The following COL22A1 variants were observed in gnomAD, a reference collection of about 807,000 sequenced individuals.
COL22A1 encodes collagen type XXII alpha 1 chain, also known as collagen alpha-1(XXII) chain.
Under a neutral mutation model 248.9 loss-of-function variants are expected in COL22A1, and 221 were observed. That is an observed-to-expected ratio of 0.89 (90% confidence interval 0.80 to 0.99). COL22A1 has a LOEUF of 0.99. Ranked by LOEUF, COL22A1 falls within the 50% of genes least tolerant of loss-of-function variation. COL22A1 has a pLI of 0.00. For synonymous variants in COL22A1, 891 were observed against 793.4 expected (o/e 1.12, Z -2.07); for missense variants, 2,240 against 2,179.0 (o/e 1.03, Z -0.56).
chr8:138,906,638 A>G (rs1251861445), intron 1 of COL22A1, among the ~76,000 whole-genome samples: 4 of 151,664 alleles, frequency 2.6e-5, no homozygotes, highest in Non-Finnish European at 5.9e-5. Flanking sequence ...GTGGATTGAC[A>G]TAAGACTGAC....
chr8:138,696,609 C>T (rs751468193), intron 32 of COL22A1, among the ~76,000 whole-genome samples: 21 of 151,498 alleles, frequency 1.4e-4, no homozygotes, highest in Non-Finnish European at 2.2e-4. Flanking sequence ...CTCTCTGATA[C>T]GGCAGTTGGA....
intron 23 of COL22A1, among the ~76,000 whole-genome samples, chr8:138,727,270 T>TCCCACACCTC (rs1289653052): frequency 2.6e-5 from 4 of 151,718 alleles, no homozygotes; most frequent in Non-Finnish European, 5.9e-5. Flanking sequence ...CCTCCCCTCC[T>TCCCACACCTC]CCCACACCTC....
intron 11 of COL22A1, among the ~76,000 whole-genome samples, chr8:138,797,599 C>A (rs939427164): frequency 6.6e-6 from 1 of 152,026 alleles, no homozygotes; most frequent in African/African-American, 2.4e-5. Flanking sequence ...GGGGTATATT[C>A]CTAAAAGTAG....
chr8:138,688,515 T>C, intron 37 of COL22A1, among the ~76,000 whole-genome samples: 1 of 151,192 alleles, frequency 6.6e-6, no homozygotes, highest in African/African-American at 2.4e-5. Flanking sequence ...AGTGAGACCC[T>C]GTCTCAAGAA....
At chr8:138,643,609 T>TATATATAG (rs374485708) in intron 47 of COL22A1, among the ~76,000 whole-genome samples, 2 of 146,528 alleles carry the variant, frequency 1.4e-5, no homozygotes, top group African/African-American at 5.1e-5. Flanking sequence ...CCCTATGCAA[T>TATATATAG]ATAGATAGAT....
intron 16 of COL22A1, among the ~76,000 whole-genome samples, chr8:138,768,627 T>A (rs1480459706): frequency 6.6e-6 from 1 of 152,166 alleles, no homozygotes. Context: ...ACTTAACAGA[T>A]CACCACCCAC....
intron 52 of COL22A1, among the ~76,000 whole-genome samples, chr8:138,620,971 A>G (rs1189208059): frequency 3.6e-5 from 4 of 109,870 alleles, no homozygotes; most frequent in African/African-American, 5.7e-5. Flanking sequence ...CCATCCATCC[A>G]TCCATCCATC....
chr8:138,690,737 T>A, intron 36 of COL22A1, 84 bp downstream of exon 36: 1 of 1,084,738 alleles, frequency 9.2e-7, no homozygotes, highest in Admixed American at 2.5e-5. Context: ...TACTCCCATG[T>A]ATCCTACGCC....
chr8:138,851,892 G>A (rs1282257109), intron 3 of COL22A1, among the ~76,000 whole-genome samples: 1 of 152,122 alleles, frequency 6.6e-6, no homozygotes. Flanking sequence ...ATAAGGCACT[G>A]GGGTCTCCAA....
intron 30 of COL22A1, among the ~76,000 whole-genome samples, chr8:138,703,977 A>G (rs192095189): frequency 7.2e-5 from 11 of 152,330 alleles, no homozygotes; most frequent in South Asian, 2.1e-4. Flanking sequence ...AGAAGAATAT[A>G]TCCCGCACCT....
At chr8:138,721,950 G>C (rs1829897017) in intron 26 of COL22A1, 86 bp downstream of exon 26, 1 of 1,076,306 alleles carries the variant, frequency 9.3e-7, no homozygotes. Context: ...CAATTGACTT[G>C]TTGTAGAATT....
At chr8:138,684,752 A>G (rs1471924419) in intron 38 of COL22A1, among the ~76,000 whole-genome samples, 1 of 152,154 alleles carries the variant, frequency 6.6e-6, no homozygotes, top group Non-Finnish European at 1.5e-5. Context: ...AGACTTGCGC[A>G]AGTAAGGGGC....
At chr8:138,775,175 T>C (rs1814307991) in intron 16 of COL22A1, among the ~76,000 whole-genome samples, 1 of 152,114 alleles carries the variant, frequency 6.6e-6, no homozygotes, top group Non-Finnish European at 1.5e-5. Flanking sequence ...TAGCCCCAGC[T>C]CTTGGGACAC....
At chr8:138,643,746 C>G (rs1379558391) in intron 47 of COL22A1, among the ~76,000 whole-genome samples, 2 of 152,072 alleles carry the variant, frequency 1.3e-5, no homozygotes, top group Non-Finnish European at 2.9e-5. Context: ...GTCACCCAGG[C>G]TGGAGTGCAG....
rs748451665 is a variant in COL22A1, at chr8:138,594,162, C to T, written c.4470G>A (p.Ala1490=). The change falls in exon 63 of 65, where the codon GCG becomes GCA. Residue 1490 remains alanine (A), a synonymous_variant. Coordinates refer to ENST00000303045, the MANE Select transcript of COL22A1 (RefSeq NM_152888.3). ...LAYLLAQMPP[A]YMKSSQGRPG... is the part of the protein sequence containing the mutation. ...GTCTGCCTTGAGATGACTTCATGTA[C>T]GCCGGGGGCATCTGGGCCAGGAGGT... The T allele has an allele frequency of 1.4e-5, 22 of 1,572,570 alleles. No individual in the cohort carries two copies. Among genetic ancestry groups the T allele is most frequent in the East Asian group, 9.5e-5 (4 of 41,944 alleles).
At chr8:138,887,850 A>G (rs1040540951) in intron 1 of COL22A1, among the ~76,000 whole-genome samples, 2 of 152,184 alleles carry the variant, frequency 1.3e-5, no homozygotes, top group African/African-American at 4.8e-5. Context: ...TGCCTCCAGC[A>G]GTGTGGGAGT....
At chr8:138,597,449 C>A (rs1817633772) in intron 61 of COL22A1, among the ~76,000 whole-genome samples, 1 of 152,154 alleles carries the variant, frequency 6.6e-6, no homozygotes, top group Admixed American at 6.5e-5. Flanking sequence ...TCTGGTTTTC[C>A]CTGCTTAGGT....
At position 138,877,908 on chromosome 8, in the gene COL22A1, C is replaced by A. The variant is rs755559463; in HGVS notation, c.500G>T (p.Arg167Leu). The part of the protein sequence containing the change: ...LVLDAAAAAH[R>L]AGIRIFAVGV... ...CACGGCAAAGATGCGGATGCCAGCG[C>A]GGTGGGCTGCCGCCGCGGCGTCCAG... Residue 167 changes from arginine to leucine, a missense_variant, in exon 3 of 65, where the codon CGC becomes CTC. Coordinates refer to ENST00000303045, the MANE Select transcript of COL22A1 (RefSeq NM_152888.3). The A allele has an allele frequency of 8.1e-6, 13 of 1,609,850 alleles. No individual in the cohort carries two copies. Among genetic ancestry groups the A allele is most frequent in the Non-Finnish European group, 5.1e-6 (6 of 1,178,366 alleles).
At chr8:138,875,519 G>A (rs1002942372) in intron 3 of COL22A1, among the ~76,000 whole-genome samples, 1 of 152,188 alleles carries the variant, frequency 6.6e-6, no homozygotes, top group Non-Finnish European at 1.5e-5. Context: ...CTGGATTCTG[G>A]AATGACAGGT....
Sources: allele counts gnomAD v4.1 joint callset (sites outside exome capture counted in the v4.1 genomes callset), GRCh38; gene constraint gnomAD v4.1.1; transcripts MANE v1.5; gene names NCBI Gene and HGNC (gene_info 2026-07-23, HGNC 2026-07-21).